Variants in LSM2 observed in about 807,000 individuals in gnomAD.
The protein encoded by LSM2 is U6 snRNA-associated Sm-like protein LSm2.
Under a neutral mutation model 17.0 loss-of-function variants are expected in LSM2, and 12 were observed. The ratio of observed to expected loss-of-function variants is 0.70; its 90% CI spans 0.45 to 1.14. LSM2 has a LOEUF of 1.14. LSM2 is among the 50% of genes most tolerant of loss of function. The probability of loss-of-function intolerance (pLI) is 0.00; values close to 1 mark genes in which losing one functional copy is unlikely to be tolerated. For missense variants in LSM2, 62 were observed against 111.8 expected (o/e 0.55, Z 2.01); for synonymous variants, 42 against 44.5 (o/e 0.94, Z 0.22).
intron 1 of LSM2, 184 bp downstream of exon 1, chr6:31,806,571 A>G (rs1237743615): frequency 2.3e-6 from 2 of 856,540 alleles, no homozygotes; most frequent in South Asian, 1.5e-5. Context: ...TTTTTCCCTC[A>G]TCATGGAAAA....
intron 2 of LSM2, 25 bp downstream of exon 2, chr6:31,806,050 C>T (rs781094574): frequency 3.9e-5 from 63 of 1,610,560 alleles, no homozygotes; most frequent in Non-Finnish European, 4.9e-5. Context: ...CCACCCCCAA[C>T]AGACTTGTTG....
chr6:31,797,864 A>C lies in LSM2; in HGVS notation c.181T>G (p.Phe61Val). ...TATCGGACCACTGAGCCCCGAATGA[A>C]GCAGTTCTTCACTGATAACTAGACA... is the stretch of plus-strand genomic sequence containing the variant. ...YPHMLSVKNC[F>V]IRGSVVRYVQ... The change falls in exon 5 of 5, where the codon TTC (phenylalanine) becomes GTC (valine). Residue 61 changes from phenylalanine (F) to valine (V), a missense_variant. Physicochemically the swap from Phe to Val is conservative, Grantham distance 50. Coordinates refer to ENST00000375661, the MANE Select transcript of LSM2 (RefSeq NM_021177.5). The C allele has an allele frequency of 6.2e-7, 1 of 1,613,028 alleles. No individual in the cohort carries two copies. The highest frequency in any genetic ancestry group is 1.3e-5 in the African/African-American group (1 of 75,014).
intron 2 of LSM2, among the ~76,000 whole-genome samples, chr6:31,798,733 C>CG (rs1814532634): frequency 1.1e-5 from 1 of 89,852 alleles, no homozygotes; most frequent in Admixed American, 1.4e-4. Flanking sequence ...CCAATCCATT[C>CG]TTTTTTTTTT....
chr6:31,805,272 C>A (rs1814962024), intron 2 of LSM2, among the ~76,000 whole-genome samples: 1 of 151,042 alleles, frequency 6.6e-6, no homozygotes, highest in South Asian at 2.1e-4. Flanking sequence ...GTTGCCCAGA[C>A]TAGTCTCGAC....
intron 2 of LSM2, chr6:31,802,922 A>G (rs1814802929): frequency 6.6e-6 from 1 of 152,268 alleles, no homozygotes; most frequent in African/African-American, 2.4e-5. Context: ...CAAAAACAAA[A>G]TAAAATAAAA....
In LSM2 at chr6:31,806,066, G is replaced by T; in HGVS notation, c.71+9C>A. Reference sequence around the variant, plus strand: ...CACCCCCAACAGACTTGTTGGAACAGGTACCTACCTCAGGTCATTCTTTAG... The same window carrying T: ...CACCCCCAACAGACTTGTTGGAACATGTACCTACCTCAGGTCATTCTTTAG... On this transcript the variant is annotated intron_variant, in intron 2 of 4. Coordinates refer to ENST00000375661, the MANE Select transcript of LSM2 (RefSeq NM_021177.5). 1 of 1,612,642 alleles carries T rather than the reference G, an allele frequency of 6.2e-7. No homozygotes were observed. Among genetic ancestry groups the T allele is most frequent in the Non-Finnish European group, 8.5e-7 (1 of 1,179,696 alleles).
intron 4 of LSM2, 35 bp downstream of exon 4, chr6:31,797,955 G>C (rs1316295665): frequency 6.2e-7 from 1 of 1,610,764 alleles, no homozygotes; most frequent in East Asian, 2.2e-5. Context: ...TCCTGCTTTA[G>C]AGGTGTTTCC....
At chr6:31,806,501 T>C (rs1815045135) in intron 1 of LSM2, 1 of 627,650 alleles carries the variant, frequency 1.6e-6, no homozygotes, top group Non-Finnish European at 2.9e-6. Context: ...AGAGAAGTGC[T>C]CTGAGGTCTA....
chr6:31,803,639 G>T (rs910132883), intron 2 of LSM2, among the ~76,000 whole-genome samples: 3 of 149,990 alleles, frequency 2.0e-5, no homozygotes, highest in Non-Finnish European at 4.4e-5. Context: ...GGAGTGCAGT[G>T]GCCTGATCTC....
At chr6:31,804,985 C>T (rs981254208) in intron 2 of LSM2, among the ~76,000 whole-genome samples, 1 of 151,922 alleles carries the variant, frequency 6.6e-6, no homozygotes, top group Non-Finnish European at 1.5e-5. Flanking sequence ...ACAGGATGAT[C>T]TCAATCTCCT....
In LSM2 at chr6:31,806,360, A is replaced by G. The variant is rs898867801; in HGVS notation, c.4-218T>C. ...GAGCCCATCACTTAAAGTCCCAGAG[A>G]GACTCTGCCCTGCATACGTCGGCCT... is the stretch of plus-strand genomic sequence containing the variant. On this transcript the variant is annotated intron_variant, in intron 1 of 4. Coordinates refer to ENST00000375661, the MANE Select transcript of LSM2 (RefSeq NM_021177.5). 2.3e-5 allele frequency: 14 copies of G among 609,182 alleles called. No individual in the cohort carries two copies. The African/African-American group carries it at 2.6e-4, about 11-fold the overall frequency. 37.7% of individuals were successfully genotyped at this position (609,182 alleles called of 1,614,324 possible).
intron 3 of LSM2, 32 bp from the exon 4 acceptor site, chr6:31,798,081 ATTAT>A: frequency 2.1e-5 from 30 of 1,446,544 alleles, no homozygotes; most frequent in Admixed American, 1.0e-4. Context: ...CATTATTATT[ATTAT>A]TTTTTTTTTT....
intron 2 of LSM2, among the ~76,000 whole-genome samples, chr6:31,799,852 G>A (rs1562324746): frequency 6.6e-6 from 1 of 152,050 alleles, no homozygotes; most frequent in Non-Finnish European, 1.5e-5. Context: ...TTTGAGGAAT[G>A]CTATCAAAAC....
At chr6:31,806,590 A>G in intron 1 of LSM2, 165 bp downstream of exon 1, 1 of 943,392 alleles carries the variant, frequency 1.1e-6, no homozygotes, top group Non-Finnish European at 1.7e-6. Flanking sequence ...AAAATATCCC[A>G]TTTGTTCTCA....
At chr6:31,798,151 G>A (rs769243023) in intron 3 of LSM2, 102 bp from the exon 4 acceptor site, 54 of 1,089,130 alleles carry the variant, frequency 5.0e-5, no homozygotes, top group Admixed American at 9.4e-5. Context: ...GTGCCATCTC[G>A]GCTCACTGCA....
rs1000456623 is a variant in LSM2, at chr6:31,806,921, G to A, written c.-164C>T. The A allele has an allele frequency of 6.5e-6, 6 of 922,632 alleles. No individual in the cohort carries two copies. The African/African-American group carries it at 8.8e-5, about 14-fold the overall frequency. 57.2% of individuals were successfully genotyped at this position (922,632 alleles called of 1,614,324 possible). On this transcript the variant is annotated 5_prime_UTR_variant, in exon 1 of 5. Transcript: ENST00000375661. ...TCCAAGCGCTGACGGGCAAAGCGCG[G>A]CCGACTTGCGGCTGGGGAGCGCAAG...
intron 2 of LSM2, among the ~76,000 whole-genome samples, chr6:31,800,549 T>TC (rs1230625419): frequency 1.3e-5 from 2 of 151,822 alleles, no homozygotes; most frequent in African/African-American, 4.8e-5. Flanking sequence ...GGCCAGGACT[T>TC]CAAGACCAGC....
At chr6:31,798,632 T>C (rs1391625791) in intron 2 of LSM2, 125 bp from the exon 3 acceptor site, 10 of 1,086,474 alleles carry the variant, frequency 9.2e-6, no homozygotes, top group Non-Finnish European at 1.3e-5. Context: ...TCAGAAAAGG[T>C]AGAACCAAAA....
In LSM2 at chr6:31,797,814, G is replaced by T; in HGVS notation, c.231C>A (p.Val77=). Residue 77 remains valine (V), a synonymous_variant, in exon 5 of 5, where the codon GTC becomes GTA. Transcript: ENST00000375661. ...VRYVQLPADE[V]DTQLLQDAAR... ...CCGCATCCTGTAGCAACTGTGTGTCGACCTCATCTGCTGGCAGCTGCACGT... is the reference window on the plus strand; with the variant it reads ...CCGCATCCTGTAGCAACTGTGTGTCTACCTCATCTGCTGGCAGCTGCACGT... 6.2e-7 allele frequency: 1 copy of T among 1,612,960 alleles called. No individual in the cohort carries two copies. Among genetic ancestry groups the T allele is most frequent in the Non-Finnish European group, 8.5e-7 (1 of 1,180,030 alleles).
Sources: gnomAD v4.1 joint callset for allele counts (sites outside exome capture counted in the v4.1 genomes callset) on GRCh38, gnomAD v4.1.1 for gene constraint, MANE v1.5 for transcripts, NCBI Gene and HGNC (gene_info 2026-07-23, HGNC 2026-07-21) for gene names.